Variants in MAPK10 observed in about 807,000 individuals in gnomAD.
MAPK10 encodes the protein mitogen-activated protein kinase 10.
MAPK10 carries 25 observed loss-of-function variants against 59.3 expected under a neutral mutation model. The ratio of observed to expected loss-of-function variants is 0.42; its 90% CI spans 0.31 to 0.59. MAPK10 has a LOEUF of 0.59. Ranked by LOEUF, MAPK10 falls within the 20% of genes least tolerant of loss-of-function variation. The pLI, the probability that MAPK10 is intolerant of heterozygous loss-of-function variation, is 0.15. For synonymous variants in MAPK10, 190 were observed against 200.5 expected (o/e 0.95, Z 0.44); for missense variants, 351 against 568.9 (o/e 0.62, Z 3.90).
intron 9 of MAPK10, among the ~76,000 whole-genome samples, chr4:86,094,352 C>T (rs1190458733): frequency 6.6e-6 from 1 of 151,942 alleles, no homozygotes; most frequent in East Asian, 1.9e-4. Flanking sequence ...ATTTCCTGTT[C>T]TTCAGAGGGA....
intron 1 of MAPK10, among the ~76,000 whole-genome samples, chr4:86,485,253 G>A (rs1473414653): frequency 6.6e-6 from 1 of 152,096 alleles, no homozygotes; most frequent in African/African-American, 2.4e-5. Flanking sequence ...AAATTGATCA[G>A]TTCCCTCCTC....
intron 2 of MAPK10, among the ~76,000 whole-genome samples, chr4:86,313,764 A>G (rs949253848): frequency 6.6e-6 from 1 of 152,148 alleles, no homozygotes; most frequent in Admixed American, 6.6e-5. Context: ...TGGTAGGAAT[A>G]CAAATTGTCA....
At chr4:86,125,913 C>G (rs1424648670) in intron 4 of MAPK10, 1 of 152,086 alleles carries the variant, frequency 6.6e-6, no homozygotes, top group Non-Finnish European at 1.5e-5. Context: ...AAGATGGCTC[C>G]TTTGGCTCAC....
rs886593584 is a variant in MAPK10, at chr4:86,329,483, C to A, written c.-7+25047G>T. Among the ~76,000 whole-genome samples the A allele has an allele frequency of 2.0e-5, 3 of 152,130 alleles. No homozygotes were observed. The East Asian group carries it at 5.8e-4, about 29-fold the overall frequency. On this transcript the variant is annotated intron_variant, in intron 2 of 13. Coordinates refer to ENST00000641462, the MANE Select transcript of MAPK10 (RefSeq NM_138982.4). ...CAATTTTATTTAAGGATGCAGCCATCATTGTATTGTAAGAAGTAAGATATG... is the reference window on the plus strand; with the variant it reads ...CAATTTTATTTAAGGATGCAGCCATAATTGTATTGTAAGAAGTAAGATATG...
chr4:86,418,600 A>T (rs1483888345), intron 1 of MAPK10, among the ~76,000 whole-genome samples: 1 of 152,208 alleles, frequency 6.6e-6, no homozygotes, highest in Non-Finnish European at 1.5e-5. Flanking sequence ...TAAAGGCTTG[A>T]TCAATTCAGC....
intron 3 of MAPK10, among the ~76,000 whole-genome samples, chr4:86,167,296 G>A (rs939822495): frequency 1.3e-5 from 2 of 152,132 alleles, no homozygotes; most frequent in African/African-American, 2.4e-5. Flanking sequence ...GGTACAAAGA[G>A]GATCTGGTAT....
intron 11 of MAPK10, among the ~76,000 whole-genome samples, chr4:86,063,778 T>C (rs1462292543): frequency 6.6e-6 from 1 of 152,174 alleles, no homozygotes; most frequent in Non-Finnish European, 1.5e-5. Context: ...CCACTTCTAG[T>C]TCATCTAGTT....
At chr4:86,273,154 T>C (rs1431713725) in intron 2 of MAPK10, among the ~76,000 whole-genome samples, 1 of 152,044 alleles carries the variant, frequency 6.6e-6, no homozygotes, top group Non-Finnish European at 1.5e-5. Context: ...ATAGGGTACA[T>C]ACACATCAGC....
chr4:86,256,736 T>C (rs200499730), intron 2 of MAPK10, among the ~76,000 whole-genome samples: 31 of 100,096 alleles, frequency 3.1e-4, no homozygotes, highest in Non-Finnish European at 3.2e-4. Flanking sequence ...CTTTCTTTCT[T>C]TTTTTTTTTT....
chr4:86,264,198 CT>C (rs547113622), intron 2 of MAPK10, among the ~76,000 whole-genome samples: 53 of 152,208 alleles, frequency 3.5e-4, no homozygotes, highest in African/African-American at 1.2e-3. Context: ...ATTCTTTCCC[CT>C]ATCAATGCAA....
intron 2 of MAPK10, among the ~76,000 whole-genome samples, chr4:86,305,307 A>G (rs528282135): frequency 5.3e-5 from 8 of 152,338 alleles, no homozygotes; most frequent in African/African-American, 1.9e-4. Flanking sequence ...GTAAAGAGTC[A>G]TGTAGATTCT....
intron 4 of MAPK10, among the ~76,000 whole-genome samples, chr4:86,153,075 T>C (rs781715812): frequency 6.6e-6 from 1 of 152,168 alleles, no homozygotes; most frequent in Non-Finnish European, 1.5e-5. Context: ...AAATAGTATA[T>C]GGACTATAAA....
chr4:86,033,965 A>G (rs183229913), intron 11 of MAPK10, among the ~76,000 whole-genome samples: 1 of 152,250 alleles, frequency 6.6e-6, no homozygotes, highest in East Asian at 1.9e-4. Context: ...TCCTTCCGCT[A>G]AGGAGAAGTT....
At chr4:86,180,785 G>A (rs1179413066) in intron 3 of MAPK10, among the ~76,000 whole-genome samples, 1 of 151,894 alleles carries the variant, frequency 6.6e-6, no homozygotes, top group Admixed American at 6.6e-5. Flanking sequence ...ATTCATATAT[G>A]GAAGCTAAAA....
chr4:86,420,450 C>T (rs1746368554), intron 1 of MAPK10, among the ~76,000 whole-genome samples: 1 of 152,114 alleles, frequency 6.6e-6, no homozygotes, highest in Non-Finnish European at 1.5e-5. Context: ...TAACGGTAAC[C>T]CAATGGACTA....
chr4:86,305,682 G>T (rs892100435), intron 2 of MAPK10, among the ~76,000 whole-genome samples: 1 of 151,978 alleles, frequency 6.6e-6, no homozygotes, highest in African/African-American at 2.4e-5. Flanking sequence ...AGCCAAGCAT[G>T]GTGGCCAGTG....
intron 11 of MAPK10, among the ~76,000 whole-genome samples, chr4:86,062,480 A>T (rs1486966549): frequency 6.6e-6 from 1 of 152,192 alleles, no homozygotes; most frequent in East Asian, 1.9e-4. Context: ...GATTCCAAGC[A>T]ACTATCTCTT....
At chr4:86,561,554 T>G (rs1161980036) in intron 1 of MAPK10, among the ~76,000 whole-genome samples, 2 of 152,202 alleles carry the variant, frequency 1.3e-5, no homozygotes, top group Non-Finnish European at 1.5e-5. Flanking sequence ...AATGAAGAAC[T>G]ATTCTGGTGT....
intron 2 of MAPK10, chr4:86,327,513 C>A (rs2096055005): frequency 6.8e-6 from 1 of 147,518 alleles, no homozygotes; most frequent in Non-Finnish European, 1.5e-5. Flanking sequence ...GAATTACTAT[C>A]TTTTTTTTTT....
Sources: allele counts gnomAD v4.1 joint callset (sites outside exome capture counted in the v4.1 genomes callset), GRCh38; gene constraint gnomAD v4.1.1; transcripts MANE v1.5; gene names NCBI Gene and HGNC (gene_info 2026-07-23, HGNC 2026-07-21).